Variants in RBFOX1 observed in about 807,000 individuals in gnomAD.
RBFOX1 encodes RNA binding protein fox-1 homolog 1.
RBFOX1 carries 8 observed loss-of-function variants against 57.7 expected under a neutral mutation model. The observed-to-expected ratio is 0.14, with a 90% CI of 0.08 to 0.25. The LOEUF (loss-of-function observed/expected upper bound fraction) is 0.25. RBFOX1 is among the 10% of genes least tolerant of loss of function. The probability of loss-of-function intolerance (pLI) is 1.00; values close to 1 mark genes in which losing one functional copy is unlikely to be tolerated. For missense variants in RBFOX1, 611 were observed against 548.5 expected, an observed-to-expected ratio of 1.11 and a Z score of -1.14; for synonymous variants, 326 against 222.4, an observed-to-expected ratio of 1.47 and a Z score of -4.15.
intron 1 of RBFOX1, among the ~76,000 whole-genome samples, chr16:5,351,103 T>G (rs1280139695): frequency 6.6e-6 from 1 of 152,168 alleles, no homozygotes; most frequent in Non-Finnish European, 1.5e-5. Flanking sequence ...GGTCTAAGCC[T>G]TGTTAAGGAT....
chr16:6,708,686 A>T (rs933766358), intron 3 of RBFOX1, among the ~76,000 whole-genome samples: 1 of 152,202 alleles, frequency 6.6e-6, no homozygotes, highest in Non-Finnish European at 1.5e-5. Context: ...CAAACATTCA[A>T]TAAATCATTA....
chr16:7,697,620 G>A (rs919573680), intron 14 of RBFOX1, among the ~76,000 whole-genome samples: 1 of 152,086 alleles, frequency 6.6e-6, no homozygotes, highest in African/African-American at 2.4e-5. Flanking sequence ...TTTGGAAAGT[G>A]AAAAAAACAT....
At chr16:6,134,662 C>A (rs1267549652) in intron 1 of RBFOX1, among the ~76,000 whole-genome samples, 1 of 150,592 alleles carries the variant, frequency 6.6e-6, no homozygotes, top group Non-Finnish European at 1.5e-5. Context: ...GCCCAGCAAT[C>A]TTTGTGCTTG....
At chr16:6,878,859 G>T (rs1167735746) in intron 3 of RBFOX1, among the ~76,000 whole-genome samples, 1 of 140,736 alleles carries the variant, frequency 7.1e-6, no homozygotes, top group Non-Finnish European at 1.6e-5. Context: ...GGATCAGAGA[G>T]AAATTAACAG....
chr16:5,519,322 A>G (rs950278349), intron 2 of RBFOX1, among the ~76,000 whole-genome samples: 16 of 152,168 alleles, frequency 1.1e-4, no homozygotes, highest in Admixed American at 9.2e-4. Flanking sequence ...CAGTACTTTT[A>G]CTATCCTGAC....
chr16:6,575,967 T>A (rs1016964893), intron 2 of RBFOX1, among the ~76,000 whole-genome samples: 2 of 151,994 alleles, frequency 1.3e-5, no homozygotes, highest in African/African-American at 2.4e-5. Context: ...GTAGGCATGG[T>A]GCGTTACATC....
At chr16:6,598,648 T>C (rs961150257) in intron 2 of RBFOX1, among the ~76,000 whole-genome samples, 1 of 152,198 alleles carries the variant, frequency 6.6e-6, no homozygotes, top group Non-Finnish European at 1.5e-5. Context: ...AAATGGCTTT[T>C]AAGAATACGT....
rs191903007 is a variant in RBFOX1, at chr16:7,033,434, C to T, written c.-15-18623C>T. On this transcript the variant is annotated intron_variant, in intron 3 of 15. Coordinates refer to ENST00000550418, the MANE Select transcript of RBFOX1 (RefSeq NM_018723.4). ...ACTTGGGAGGCTGAGGCAGGAGATTCGCTTGATCCCGGGAGGCGGAGGTTG... is the reference window on the plus strand; with the variant it reads ...ACTTGGGAGGCTGAGGCAGGAGATTTGCTTGATCCCGGGAGGCGGAGGTTG... Among the ~76,000 whole-genome samples, 647 of 152,110 alleles carry T rather than the reference C, an allele frequency of 4.3e-3. 3 individuals are homozygous for T. The highest frequency in any genetic ancestry group is 0.014 in the African/African-American group (582 of 41,516).
intron 4 of RBFOX1, among the ~76,000 whole-genome samples, chr16:7,342,219 A>G (rs2096911549): frequency 6.6e-6 from 1 of 152,144 alleles, no homozygotes; most frequent in Non-Finnish European, 1.5e-5. Context: ...CATCTGTAAA[A>G]TGGGAGTAAT....
chr16:7,107,338 G>A (rs1367035823), intron 4 of RBFOX1, among the ~76,000 whole-genome samples: 3 of 152,088 alleles, frequency 2.0e-5, no homozygotes, highest in Non-Finnish European at 4.4e-5. Context: ...CTCATCTAAT[G>A]CAGCATATTC....
intron 4 of RBFOX1, among the ~76,000 whole-genome samples, chr16:7,345,704 C>G (rs1004324107): frequency 6.6e-6 from 1 of 152,156 alleles, no homozygotes; most frequent in Non-Finnish European, 1.5e-5. Context: ...GGATAAAAAG[C>G]CTTTCATTAC....
intron 3 of RBFOX1, among the ~76,000 whole-genome samples, chr16:5,783,270 A>G (rs2054386458): frequency 6.6e-6 from 1 of 152,204 alleles, no homozygotes; most frequent in African/African-American, 2.4e-5. Flanking sequence ...TATCTTTTCA[A>G]TCTATGTATA....
intron 2 of RBFOX1, among the ~76,000 whole-genome samples, chr16:6,618,994 A>G (rs1228024713): frequency 2.0e-5 from 3 of 152,198 alleles, no homozygotes; most frequent in African/African-American, 7.2e-5. Flanking sequence ...GGGAAGCTGA[A>G]AAGACACTGT....
rs563196692 is a variant in RBFOX1 at position 5,334,153 on chromosome 16, A to G, written c.219+94048A>G. On this transcript the variant is annotated intron_variant, in intron 1 of 2. Transcript: ENST00000585867. ...GAATGTTTGTGTGGAGGAGAAGTTT[A>G]TTGTGGAGTTGGAATGTGTCTGGTC... Among the ~76,000 whole-genome samples, 55 of 152,214 alleles carry G rather than the reference A, an allele frequency of 3.6e-4. No individual in the cohort carries two copies. In the South Asian group the frequency reaches 0.011, roughly 31 times the overall value.
In RBFOX1 at chr16:7,065,313, A is replaced by G. The variant is rs112661271; in HGVS notation, c.27+13215A>G. 4.5e-3 allele frequency among the ~76,000 whole-genome samples: 681 copies of G among 151,978 alleles called. 5 individuals carry two copies. The highest frequency in any genetic ancestry group is 0.015 in the African/African-American group (640 of 41,456). On this transcript the variant is annotated intron_variant, in intron 4 of 15. Coordinates refer to ENST00000550418, the MANE Select transcript of RBFOX1 (RefSeq NM_018723.4). Reference sequence around the variant, plus strand: ...AGGGATGATCTGATGGAGCCGTGTAATCTGCTTTCTTCAGGTGCACGTCTC... The same window carrying G: ...AGGGATGATCTGATGGAGCCGTGTAGTCTGCTTTCTTCAGGTGCACGTCTC...
At chr16:6,955,311 T>G in intron 3 of RBFOX1, among the ~76,000 whole-genome samples, 1 of 151,284 alleles carries the variant, frequency 6.6e-6, no homozygotes, top group Non-Finnish European at 1.5e-5. Context: ...TTATCAATAA[T>G]TTTTTTCTCT....
intron 4 of RBFOX1, among the ~76,000 whole-genome samples, chr16:7,441,179 A>G (rs987598847): frequency 2.0e-5 from 3 of 152,162 alleles, no homozygotes; most frequent in Non-Finnish European, 4.4e-5. Flanking sequence ...GGCCCAGGAA[A>G]CTCAGGAAAT....
intron 4 of RBFOX1, among the ~76,000 whole-genome samples, chr16:7,163,759 C>T (rs570106569): frequency 1.8e-4 from 28 of 152,164 alleles, no homozygotes; most frequent in Non-Finnish European, 2.6e-4. Context: ...TGGGTTCAAG[C>T]GAATCTCCCA....
chr16:6,330,982 G>C (rs2082951742), intron 2 of RBFOX1, among the ~76,000 whole-genome samples: 1 of 152,174 alleles, frequency 6.6e-6, no homozygotes, highest in South Asian at 2.1e-4. Flanking sequence ...ATATGAGAGA[G>C]ATTACCATCA....
Sources: allele counts gnomAD v4.1 joint callset (sites outside exome capture counted in the v4.1 genomes callset), GRCh38; gene constraint gnomAD v4.1.1; transcripts MANE v1.5; gene names NCBI Gene and HGNC (gene_info 2026-07-23, HGNC 2026-07-21).